SOD2: variants seen among roughly 807,000 people sequenced by gnomAD.
The protein encoded by SOD2 is superoxide dismutase 2.
In SOD2, 11 loss-of-function variants were observed where a neutral mutation model predicts 27.0. The observed-to-expected ratio is 0.41, with a 90% CI of 0.26 to 0.67. The LOEUF (loss-of-function observed/expected upper bound fraction) is 0.67, where lower values mean the gene tolerates loss of function less well. Ranked by LOEUF, SOD2 falls within the 30% of genes least tolerant of loss-of-function variation. The pLI is 0.34. For synonymous variants in SOD2, 105 were observed against 103.0 expected (o/e 1.02, Z -0.12); for missense variants, 250 against 274.5 (o/e 0.91, Z 0.63).
At chr6:159,713,166 C>G (rs977705621) in intron 1 of SOD2, 41 of 1,266,404 alleles carry the variant, frequency 3.2e-5, no homozygotes, top group Non-Finnish European at 4.5e-5. Flanking sequence ...GACCCACTAT[C>G]TCCGTATCTA....
At chr6:159,753,160 C>T (rs1779881619) in intron 1 of SOD2, among the ~76,000 whole-genome samples, 1 of 152,076 alleles carries the variant, frequency 6.6e-6, no homozygotes, top group African/African-American at 2.4e-5. Context: ...GGCTCTGTTT[C>T]CATTTCAAAT....
upstream of SOD2, among the ~76,000 whole-genome samples, chr6:159,747,195 T>C (rs567924383): frequency 2.6e-4 from 39 of 152,296 alleles, no homozygotes; most frequent in South Asian, 7.9e-3. Flanking sequence ...AATGATGAAT[T>C]TAATGCTAAT....
intron 1 of SOD2, among the ~76,000 whole-genome samples, chr6:159,759,939 A>G (rs1264853675): frequency 6.6e-6 from 1 of 152,236 alleles, no homozygotes; most frequent in African/African-American, 2.4e-5. Context: ...ACTGGCCATA[A>G]AGAATATTGG....
intron 1 of SOD2, among the ~76,000 whole-genome samples, chr6:159,705,843 A>G (rs1583032602): frequency 3.3e-5 from 5 of 150,654 alleles, no homozygotes; most frequent in South Asian, 2.1e-4. Flanking sequence ...AAATGAAGGA[A>G]AAAATGTTAA....
At chr6:159,753,410 G>C in intron 1 of SOD2, 1 of 1,612,864 alleles carries the variant, frequency 6.2e-7, no homozygotes, top group Non-Finnish European at 8.5e-7. Context: ...TGTAAGCAAA[G>C]ACAGAGAGTT....
chr6:159,700,331 C>A (rs1777501931), intron 1 of SOD2, among the ~76,000 whole-genome samples: 1 of 152,190 alleles, frequency 6.6e-6, no homozygotes, highest in South Asian at 2.1e-4. Flanking sequence ...TCTGGTTCTT[C>A]ATCTGAATTC....
upstream of SOD2, chr6:159,748,376 A>C: frequency 6.2e-7 from 1 of 1,613,590 alleles, no homozygotes; most frequent in East Asian, 2.2e-5. This position sits in a 1 kb window ranked among gnomAD's most constrained non-coding sequence, Gnocchi z 5.6. Flanking sequence ...ATAGGTAAAC[A>C]AATCATACTC....
chr6:159,702,669 AAAAAAAAAAAG>A (rs1777544485), intron 1 of SOD2, among the ~76,000 whole-genome samples: 1 of 147,496 alleles, frequency 6.8e-6, no homozygotes, highest in South Asian at 2.1e-4. Flanking sequence ...AAAAAAAAAA[AAAAAAAAAAAG>A]AAAGAAAGAA....
At chr6:159,757,078 A>C (rs553773940) in intron 1 of SOD2, among the ~76,000 whole-genome samples, 1 of 152,310 alleles carries the variant, frequency 6.6e-6, no homozygotes, top group South Asian at 2.1e-4. Flanking sequence ...AGGTAGGAGA[A>C]AATGTTTTTA....
At chr6:159,748,555 T>A (rs1482424956), upstream of SOD2, 1 of 1,357,084 alleles carries the variant, frequency 7.4e-7, no homozygotes, top group East Asian at 2.7e-5. This position sits in a 1 kb window ranked among gnomAD's most constrained non-coding sequence, Gnocchi z 5.6. Context: ...ACCTTGTGTT[T>A]CAGCTTTTTT....
chr6:159,761,980 A>G (rs1780144165), exon 1 of SOD2: 2 of 1,276,944 alleles, frequency 1.6e-6, no homozygotes, highest in Non-Finnish European at 2.2e-6. Flanking sequence ...GTGGAGGGCG[A>G]GGGGCGGGGC....
intron 2 of SOD2, among the ~76,000 whole-genome samples, chr6:159,688,536 A>C (rs1780300939): frequency 6.6e-6 from 1 of 152,202 alleles, no homozygotes; most frequent in Admixed American, 6.5e-5. Flanking sequence ...AAAGAGGACA[A>C]TCAAAATAAT....
intron 1 of SOD2, among the ~76,000 whole-genome samples, chr6:159,722,190 C>A (rs1489726110): frequency 6.6e-6 from 1 of 151,976 alleles, no homozygotes; most frequent in South Asian, 2.1e-4. Flanking sequence ...CCAGCCTGGG[C>A]AACATAGCAA....
intron 3 of SOD2, among the ~76,000 whole-genome samples, chr6:159,686,819 G>A (rs1780208073): frequency 6.6e-6 from 1 of 152,000 alleles, no homozygotes; most frequent in Non-Finnish European, 1.5e-5. Flanking sequence ...AGAAACTTAG[G>A]GTGCATATCC....
At chr6:159,692,612 G>A (rs371098078) in intron 2 of SOD2, 49 bp downstream of exon 2, 29 of 1,605,562 alleles carry the variant, frequency 1.8e-5, no homozygotes, top group Admixed American at 1.0e-4. Flanking sequence ...TGGCTCCCTG[G>A]GGTCGCCTCT....
chr6:159,727,477 G>T, upstream of SOD2: 1 of 994,012 alleles, frequency 1.0e-6, no homozygotes, highest in South Asian at 4.3e-5. Flanking sequence ...CGTGCGGCGG[G>T]GCGGGGCCGG....
chr6:159,752,211 G>A (rs376171565), intron 1 of SOD2, among the ~76,000 whole-genome samples: 6 of 152,262 alleles, frequency 3.9e-5, no homozygotes, highest in South Asian at 2.1e-4. Flanking sequence ...AAGAAGGAAA[G>A]ACTAGAATTT....
rs1027795115 is a variant in SOD2 at position 159,675,128 on chromosome 6, C to G, written c.*7365G>C. ...CAAACAAATGGAAGAACATTCCATG[C>G]TCATGGATAGGAAGAATCAATATCG... On this transcript the variant is annotated 3_prime_UTR_variant, in exon 5 of 5. Coordinates refer to ENST00000538183, the MANE Select transcript of SOD2 (RefSeq NM_000636.4). The G allele has an allele frequency of 5.9e-5, 9 of 152,176 alleles. No individual in the cohort carries two copies. The highest frequency in any genetic ancestry group is 1.9e-4 in the African/African-American group (8 of 41,444). The allele number at this position is 152,176 out of a possible 1,614,324, so 9.4% of individuals were successfully genotyped here.
At chr6:159,747,384 A>G (rs543050406), upstream of SOD2, among the ~76,000 whole-genome samples, 2 of 152,286 alleles carry the variant, frequency 1.3e-5, no homozygotes, top group South Asian at 4.1e-4. Flanking sequence ...ACTGAACTAA[A>G]CAGTTGGGTT....
Sources: allele counts gnomAD v4.1 joint callset (sites outside exome capture counted in the v4.1 genomes callset), GRCh38; gene constraint gnomAD v4.1.1; non-coding constraint Gnocchi (gnomAD v3.1); transcripts MANE v1.5; gene names NCBI Gene and HGNC (gene_info 2026-07-23, HGNC 2026-07-21).